The following RALGPS1 variants were observed in gnomAD, a reference collection of about 807,000 sequenced individuals.
RALGPS1 encodes Ral GEF with PH domain and SH3 binding motif 1.
In RALGPS1, 19 loss-of-function variants were observed where a neutral mutation model predicts 78.8. The ratio of observed to expected loss-of-function variants is 0.24; its 90% confidence interval spans 0.17 to 0.35. RALGPS1 has a LOEUF of 0.35. RALGPS1 is among the 10% of genes least tolerant of loss of function. The probability of loss-of-function intolerance (pLI) is 1.00; values close to 1 mark genes in which losing one functional copy is unlikely to be tolerated. For missense variants in RALGPS1, 454 were observed against 688.3 expected (o/e 0.66, Z 3.81); for synonymous variants, 228 against 256.3 (o/e 0.89, Z 1.06).
chr9:127,136,712 C>G (rs1324309232), intron 8 of RALGPS1, among the ~76,000 whole-genome samples: 1 of 152,136 alleles, frequency 6.6e-6, no homozygotes, highest in East Asian at 1.9e-4. Flanking sequence ...TCACCTTCAT[C>G]ATCTCCTCAT....
chr9:126,968,561 A>C (rs1316073294), intron 3 of RALGPS1, among the ~76,000 whole-genome samples: 2 of 152,212 alleles, frequency 1.3e-5, no homozygotes, highest in African/African-American at 4.8e-5. Context: ...TTTACTTTTC[A>C]TAACAGCTTT....
At chr9:127,063,845 C>A (rs1038120972) in intron 7 of RALGPS1, among the ~76,000 whole-genome samples, 2 of 151,984 alleles carry the variant, frequency 1.3e-5, no homozygotes, top group African/African-American at 4.8e-5. Flanking sequence ...GGTCTTTTGC[C>A]CAAGAATTAT....
chr9:127,047,806 G>A (rs187138906), intron 5 of RALGPS1, among the ~76,000 whole-genome samples: 195 of 151,472 alleles, frequency 1.3e-3, no homozygotes, highest in South Asian at 4.4e-3. Flanking sequence ...TATCTCTTAC[G>A]ACTTACTTTT....
chr9:127,060,252 C>T (rs2049091682), intron 7 of RALGPS1, among the ~76,000 whole-genome samples: 1 of 152,112 alleles, frequency 6.6e-6, no homozygotes, highest in Non-Finnish European at 1.5e-5. Flanking sequence ...TGGAAAAACT[C>T]ATCTGTGAGA....
chr9:127,098,611 C>T (rs1367566397), intron 8 of RALGPS1, among the ~76,000 whole-genome samples: 5 of 152,082 alleles, frequency 3.3e-5, no homozygotes, highest in African/African-American at 4.8e-5. Context: ...GGTCTCAGCC[C>T]GGACCCCACT....
At chr9:127,159,706 A>G (rs2058912185) in intron 8 of RALGPS1, among the ~76,000 whole-genome samples, 1 of 152,216 alleles carries the variant, frequency 6.6e-6, no homozygotes, top group South Asian at 2.1e-4. Flanking sequence ...ATCATGCAGT[A>G]GATGGAAATG....
chr9:127,148,113 A>T (rs946132962), intron 8 of RALGPS1, among the ~76,000 whole-genome samples: 1 of 152,238 alleles, frequency 6.6e-6, no homozygotes, highest in Non-Finnish European at 1.5e-5. Flanking sequence ...TTGAGCACAC[A>T]TGTCTTAGAA....
chr9:126,998,523 G>A (rs2042984818), intron 4 of RALGPS1, among the ~76,000 whole-genome samples: 2 of 152,196 alleles, frequency 1.3e-5, no homozygotes, highest in Admixed American at 6.5e-5. Context: ...AACAACAGGT[G>A]CTGGAGAGGA....
In RALGPS1 at chr9:127,218,928, T is replaced by C. The variant is rs548719028; in HGVS notation, c.*159T>C. 1.3e-5 allele frequency: 10 copies of C among 793,424 alleles called. No homozygotes were observed. The Admixed American group carries it at 1.6e-4, about 13-fold the overall frequency. The allele number at this position is 793,424 out of a possible 1,614,324, so 49.1% of individuals were successfully genotyped here. ...CTGTGGCCTCACCATCCCAGAGGGC[T>C]TCACCAGTGTGGGATCCACCTGTCA... is the stretch of plus-strand genomic sequence containing the variant. On this transcript the variant is annotated 3_prime_UTR_variant, in exon 19 of 19. Coordinates refer to ENST00000259351, the MANE Select transcript of RALGPS1 (RefSeq NM_014636.3). This position sits in a 1 kb window ranked among gnomAD's most constrained non-coding sequence, Gnocchi z 4.4.
intron 1 of RALGPS1, among the ~76,000 whole-genome samples, chr9:126,960,378 C>T (rs953439587): frequency 1.3e-5 from 2 of 151,524 alleles, no homozygotes; most frequent in Admixed American, 6.6e-5. Flanking sequence ...GGACTACAGG[C>T]GCCTGCCACC....
chr9:127,004,507 A>G (rs2043648284), intron 4 of RALGPS1, among the ~76,000 whole-genome samples: 2 of 152,192 alleles, frequency 1.3e-5, no homozygotes, highest in South Asian at 2.1e-4. Context: ...GTTCTACTCT[A>G]AAGGGTTGGG....
chr9:127,015,843 T>C (rs1216030918), intron 4 of RALGPS1, among the ~76,000 whole-genome samples: 1 of 151,916 alleles, frequency 6.6e-6, no homozygotes, highest in Non-Finnish European at 1.5e-5. Flanking sequence ...CCTGCCCTGC[T>C]CCACTTGGAG....
At chr9:127,069,400 G>T (rs117710903) in intron 8 of RALGPS1, 44 bp downstream of exon 8, 2 of 1,597,750 alleles carry the variant, frequency 1.3e-6, no homozygotes, top group African/African-American at 2.7e-5. Context: ...AAACCTACTC[G>T]GTGCCAAATA....
chr9:126,952,525 G>A (rs1181733079), intron 1 of RALGPS1, among the ~76,000 whole-genome samples: 1 of 152,134 alleles, frequency 6.6e-6, no homozygotes, highest in East Asian at 1.9e-4. Flanking sequence ...TTACACAAGG[G>A]GGCCTTTCTT....
intron 8 of RALGPS1, among the ~76,000 whole-genome samples, chr9:127,153,421 G>A (rs1398759976): frequency 1.7e-5 from 2 of 120,740 alleles, no homozygotes; most frequent in East Asian, 2.4e-4. Flanking sequence ...GCCCTTAATC[G>A]TTTGTGTAAT....
chr9:127,081,781 C>T (rs2051197075), intron 8 of RALGPS1, among the ~76,000 whole-genome samples: 2 of 152,238 alleles, frequency 1.3e-5, no homozygotes, highest in South Asian at 4.1e-4. Context: ...CCTTGACCAG[C>T]CCTTGGAGCT....
At position 127,091,116 on chromosome 9, in the gene RALGPS1, T is replaced by C. The variant is rs1185315223; in HGVS notation, c.610+21760T>C. Reference sequence around the variant, plus strand: ...AAGCCAGTTTGTATGGAGCCCTCGCTATGTGCCAAATCCTAGACAAAGCAC... The same window carrying C: ...AAGCCAGTTTGTATGGAGCCCTCGCCATGTGCCAAATCCTAGACAAAGCAC... On this transcript the variant is annotated intron_variant, in intron 8 of 18. Transcript: ENST00000259351. This position sits in a 1 kb window ranked among gnomAD's most constrained non-coding sequence, Gnocchi z 4.3. Among the ~76,000 whole-genome samples the C allele has an allele frequency of 6.6e-6, 1 of 152,252 alleles. No homozygotes were observed. The highest frequency in any genetic ancestry group is 1.5e-5 in the Non-Finnish European group (1 of 68,038).
chr9:127,165,344 C>G (rs2059241585), intron 8 of RALGPS1, among the ~76,000 whole-genome samples: 1 of 152,254 alleles, frequency 6.6e-6, no homozygotes, highest in South Asian at 2.1e-4. Flanking sequence ...AGCGGCCCTT[C>G]CCCTTCCCCA....
rs947773812 is a variant in RALGPS1, at chr9:127,073,568, A to G, written c.610+4212A>G. On this transcript the variant is annotated intron_variant, in intron 8 of 18. Coordinates refer to ENST00000259351, the MANE Select transcript of RALGPS1 (RefSeq NM_014636.3). ...CTTGGGTAAGGTGAATACTGCTGCA[A>G]TAAACATACAAGTACAGTACTGGTT... Among the ~76,000 whole-genome samples the G allele has an allele frequency of 3.3e-5, 5 of 152,168 alleles. No individual in the cohort carries two copies. In the East Asian group the frequency reaches 5.8e-4, roughly 18 times the overall value.
Sources: allele counts gnomAD v4.1 joint callset (sites outside exome capture counted in the v4.1 genomes callset), GRCh38; gene constraint gnomAD v4.1.1; non-coding constraint Gnocchi (gnomAD v3.1); transcripts MANE v1.5; gene names NCBI Gene and HGNC (gene_info 2026-07-23, HGNC 2026-07-21).